COL5A1: variants seen among roughly 807,000 people sequenced by gnomAD.
COL5A1 encodes collagen type V alpha 1 chain.
A neutral mutation model predicts 263.7 loss-of-function variants in COL5A1; 16 were observed. The observed-to-expected ratio is 0.06, with a 90% CI of 0.04 to 0.09. The LOEUF (loss-of-function observed/expected upper bound fraction) is 0.09. Ranked by LOEUF, COL5A1 falls within the 10% of genes least tolerant of loss-of-function variation. The probability of loss-of-function intolerance (pLI) is 1.00; values close to 1 mark genes in which losing one functional copy is unlikely to be tolerated. For synonymous variants in COL5A1, 1,012 were observed against 1,004.5 expected, an observed-to-expected ratio of 1.01 and a Z score of -0.14; for missense variants, 2,036 against 2,540.5, an observed-to-expected ratio of 0.80 and a Z score of 4.27.
At position 134,789,008 on chromosome 9, in the gene COL5A1, A is replaced by T. The variant is rs1302348841; in HGVS notation, c.2647-147A>T. 1.4e-6 allele frequency: 1 copy of T among 691,164 alleles called. No individual in the cohort carries two copies. The highest frequency in any genetic ancestry group is 2.8e-5 in the East Asian group (1 of 35,898). The allele number at this position is 691,164 out of a possible 1,614,324, so 42.8% of individuals were successfully genotyped here. Reference sequence around the variant, plus strand: ...GGTGGATAGGTGAGAAGGTAGGTAGACAGGTAGGTGGGTGGTTGGGTGGGT... The same window carrying T: ...GGTGGATAGGTGAGAAGGTAGGTAGTCAGGTAGGTGGGTGGTTGGGTGGGT... On this transcript the variant is annotated intron_variant, in intron 31 of 65. Transcript: ENST00000371817. This position sits in a 1 kb window ranked among gnomAD's most constrained non-coding sequence, Gnocchi z 4.8.
chr9:134,656,410 G>C (rs553887474), intron 1 of COL5A1, among the ~76,000 whole-genome samples: 1 of 152,306 alleles, frequency 6.6e-6, no homozygotes, highest in Admixed American at 6.5e-5. Flanking sequence ...GAGCTTCGGA[G>C]GCCGAGAGAG....
At chr9:134,728,533 G>C (rs567347975) in intron 5 of COL5A1, 137 bp from the exon 6 acceptor site, 1 of 1,179,862 alleles carries the variant, frequency 8.5e-7, no homozygotes, top group Non-Finnish European at 1.3e-6. Context: ...CCCATCCGGG[G>C]ACCCACAGGG....
At chr9:134,750,436 A>T in intron 11 of COL5A1, 106 bp from the exon 12 acceptor site, 1 of 978,006 alleles carries the variant, frequency 1.0e-6, no homozygotes, top group Non-Finnish European at 1.6e-6. Flanking sequence ...GTGCGTGTCC[A>T]GTGCATTTCC....
Position 134,701,268 on chromosome 9 carries a change from C to T in COL5A1, c.589C>T (p.Pro197Ser). 6.2e-7 allele frequency: 1 copy of T among 1,613,988 alleles called. No homozygotes were observed. The highest frequency in any genetic ancestry group is 8.5e-7 in the Non-Finnish European group (1 of 1,179,996). ...CAAATTCCTCGACCGCAGCGACCAC[C>T]CCATGATCGACATCAATGGCATCAT... ...TTKFLDRSDH[P>S]MIDINGIIVF... Residue 197 changes from proline (P) to serine (S), a missense_variant, in exon 4 of 66, where the codon CCC becomes TCC. Coordinates refer to ENST00000371817, the MANE Select transcript of COL5A1 (RefSeq NM_000093.5).
Position 134,809,310 on chromosome 9 carries a change from A to G in COL5A1, c.3474+20A>G, listed in dbSNP as rs1204469994. ...GATAAGGTAAGGCAAATCCAGAGTG[A>G]CCCATGGCTGGGCCTGGCTGGGCAG... On this transcript the variant is annotated intron_variant, in intron 43 of 65. Coordinates refer to ENST00000371817, the MANE Select transcript of COL5A1 (RefSeq NM_000093.5). The G allele has an allele frequency of 4.4e-6, 7 of 1,579,178 alleles. No individual in the cohort carries two copies. In the Admixed American group the frequency reaches 5.1e-5, roughly 12 times the overall value.
At position 134,823,085 on chromosome 9, in the gene COL5A1, G is replaced by A. The variant is rs569549132; in HGVS notation, c.4644+52G>A. On this transcript the variant is annotated intron_variant, in intron 60 of 65. Transcript: ENST00000371817. ...CAATGCCTGGAAGGTAGGGGAGGGC[G>A]ACGGGTCCCCTGGCACGGGAACAAA... 66 of 1,597,330 alleles carry A rather than the reference G, an allele frequency of 4.1e-5. 1 individual carries two copies. In the East Asian group the frequency reaches 1.1e-3, roughly 25 times the overall value.
chr9:134,768,619 C>T (rs138964643), intron 25 of COL5A1, among the ~76,000 whole-genome samples, 156 bp downstream of exon 25: 6 of 152,334 alleles, frequency 3.9e-5, no homozygotes, highest in East Asian at 1.9e-4. Context: ...TTGGACTGCT[C>T]GGTCATTCTT....
Position 134,811,412 on chromosome 9 carries a change from G to T in COL5A1, c.3582+20G>T, listed in dbSNP as rs375930756. ...CCCTCTGTGAGTATCCATGGTCAAT[G>T]ACCTTCGAAAAGCCCCACGCCCCCC... On this transcript the variant is annotated intron_variant, in intron 45 of 65. Transcript: ENST00000371817. The T allele has an allele frequency of 1.2e-6, 2 of 1,613,598 alleles. No individual in the cohort carries two copies. Among genetic ancestry groups the T allele is most frequent in the African/African-American group, 2.7e-5 (2 of 74,850 alleles).
At chr9:134,736,867 C>T (rs530625317) in intron 9 of COL5A1, among the ~76,000 whole-genome samples, 9 of 152,312 alleles carry the variant, frequency 5.9e-5, no homozygotes, top group South Asian at 2.1e-4. Context: ...GTAGCAGCCC[C>T]GAGGAAGTTC....
intron 1 of COL5A1, among the ~76,000 whole-genome samples, chr9:134,685,214 ACCATCCATTCACCCAT>A (rs1832992601): frequency 1.1e-5 from 1 of 87,188 alleles, no homozygotes; most frequent in Admixed American, 1.3e-4. Flanking sequence ...CCATCCATCC[ACCATCCATTCACCCAT>A]CCATCCATTC....
chr9:134,724,045 C>T (rs913931900), intron 4 of COL5A1, among the ~76,000 whole-genome samples: 1 of 152,092 alleles, frequency 6.6e-6, no homozygotes, highest in Non-Finnish European at 1.5e-5. Flanking sequence ...TCGCACCACT[C>T]CCTCCCCTCT....
chr9:134,661,399 G>A (rs1160254984), intron 1 of COL5A1, among the ~76,000 whole-genome samples: 1 of 151,750 alleles, frequency 6.6e-6, no homozygotes, highest in Non-Finnish European at 1.5e-5. Context: ...GGGCGTGTGT[G>A]TGAGGTACAG....
intron 30 of COL5A1, among the ~76,000 whole-genome samples, chr9:134,785,569 C>G (rs1328963837): frequency 1.3e-5 from 2 of 152,184 alleles, no homozygotes; most frequent in African/African-American, 4.8e-5. Flanking sequence ...CAGCCACACA[C>G]CCTGGCTCCA....
chr9:134,748,556 A>T (rs1337880483), intron 11 of COL5A1, among the ~76,000 whole-genome samples: 1 of 152,252 alleles, frequency 6.6e-6, no homozygotes, highest in Non-Finnish European at 1.5e-5. Flanking sequence ...TGAGGATTGT[A>T]TGTCAATGAC....
rs1837586733 is a variant in COL5A1, at chr9:134,789,264, C to T, written c.2700+56C>T. The T allele has an allele frequency of 2.1e-6, 3 of 1,452,596 alleles. No individual in the cohort carries two copies. The highest frequency in any genetic ancestry group is 1.7e-5 in the Admixed American group (1 of 58,850). The allele number at this position is 1,452,596 out of a possible 1,614,324, so 90.0% of individuals were successfully genotyped here. On this transcript the variant is annotated intron_variant, in intron 32 of 65. Coordinates refer to ENST00000371817, the MANE Select transcript of COL5A1 (RefSeq NM_000093.5). The surrounding 1 kb of genome is among the most constrained non-coding windows in gnomAD (Gnocchi z 4.8). ...CTTGTTCGGCTGCCTCGGTGCCTAG[C>T]AAGTTGGTTCTCCAGCCGACGGCCT... is the stretch of plus-strand genomic sequence containing the variant.
At chr9:134,756,592 G>T (rs570958139) in intron 16 of COL5A1, among the ~76,000 whole-genome samples, 173 bp from the exon 17 acceptor site, 1 of 152,186 alleles carries the variant, frequency 6.6e-6, no homozygotes, top group Admixed American at 6.5e-5. Context: ...GAACAGCCCC[G>T]CCCGGGCTCC....
intron 52 of COL5A1, among the ~76,000 whole-genome samples, 162 bp from the exon 53 acceptor site, chr9:134,816,864 G>A (rs537072562): frequency 3.3e-5 from 5 of 152,344 alleles, no homozygotes; most frequent in African/African-American, 1.2e-4. Flanking sequence ...CACAGCCCGG[G>A]TGCGACACTG....
At position 134,765,883 on chromosome 9, in the gene COL5A1, C is replaced by A; in HGVS notation, c.2088+149C>A. The A allele has an allele frequency of 3.1e-6, 2 of 655,472 alleles. No homozygotes were observed. The highest frequency in any genetic ancestry group is 5.2e-6 in the Non-Finnish European group (2 of 382,216). The allele number at this position is 655,472 out of a possible 1,614,324, so 40.6% of individuals were successfully genotyped here. A position where few individuals can be genotyped will look rare whatever the true frequency, so the allele number is the denominator to read the frequency against. On this transcript the variant is annotated intron_variant, in intron 21 of 65. Coordinates refer to ENST00000371817, the MANE Select transcript of COL5A1 (RefSeq NM_000093.5). This position sits in a 1 kb window ranked among gnomAD's most constrained non-coding sequence, Gnocchi z 5.1. The stretch of plus-strand genomic sequence containing the variant: ...CTGCCAGTGTGAGGCGTGAGCGGGA[C>A]ACTGATGTTCAGACGCTGTAGACAC...
intron 2 of COL5A1, among the ~76,000 whole-genome samples, chr9:134,695,276 G>T (rs1203132894): frequency 2.0e-5 from 3 of 152,194 alleles, no homozygotes; most frequent in Non-Finnish European, 4.4e-5. Context: ...CCAACACCCT[G>T]TCTTCGCCTG....
Sources: gnomAD v4.1 joint callset for allele counts (sites outside exome capture counted in the v4.1 genomes callset) on GRCh38, gnomAD v4.1.1 for gene constraint, Gnocchi (gnomAD v3.1) non-coding constraint, MANE v1.5 for transcripts, NCBI Gene and HGNC (gene_info 2026-07-23, HGNC 2026-07-21) for gene names.